The following CFB variants were observed in gnomAD, a reference collection of about 807,000 sequenced individuals.
The protein encoded by CFB is complement factor B.
A neutral mutation model predicts 97.2 loss-of-function variants in CFB; 59 were observed. The ratio of observed to expected loss-of-function variants is 0.61; its 90% CI spans 0.49 to 0.75. The LOEUF (loss-of-function observed/expected upper bound fraction) is 0.75, where lower values mean the gene tolerates loss of function less well. Among genes scored for constraint, CFB ranks in the 30% least tolerant of loss-of-function variants. The pLI is 0.00. For synonymous variants in CFB, 316 were observed against 351.7 expected (o/e 0.90, Z 1.14); for missense variants, 771 against 959.8 (o/e 0.80, Z 2.60).
chr6:31,947,140 C>T lies in CFB; in HGVS notation c.432C>T (p.Thr144=). 1 of 1,613,054 alleles carries T rather than the reference C, an allele frequency of 6.2e-7. No individual in the cohort carries two copies. Among genetic ancestry groups the T allele is most frequent in the South Asian group, 1.1e-5 (1 of 91,084 alleles). The change falls in exon 3 of 18, where the codon ACC becomes ACT. Residue 144 remains threonine (T), a synonymous_variant. Transcript: ENST00000425368. This position sits in a 1 kb window ranked among gnomAD's most constrained non-coding sequence, Gnocchi z 5.3. ...GYTLRGSANR[T]CQVNGRWSGQ... ...CTCTCCGGGGCTCTGCCAATCGCAC[C>T]TGCCAAGTGAATGGCCGATGGAGTG...
chr6:31,946,655 G>C lies in CFB; in HGVS notation c.298+49G>C. ...AGTGGCCTAAGGCAGAAACAGGGCA[G>C]GCGGCAGCAAGGTCAGGACTAGGAT... On this transcript the variant is annotated intron_variant, in intron 2 of 17. Coordinates refer to ENST00000425368, the MANE Select transcript of CFB (RefSeq NM_001710.6). The surrounding 1 kb of genome is among the most constrained non-coding windows in gnomAD (Gnocchi z 6.4). 6.5e-7 allele frequency: 1 copy of C among 1,540,190 alleles called. No homozygotes were observed. The highest frequency in any genetic ancestry group is 8.8e-7 in the Non-Finnish European group (1 of 1,130,680).
chr6:31,948,701 G>C, intron 7 of CFB, 129 bp from the exon 8 acceptor site: 2 of 1,547,172 alleles, frequency 1.3e-6, no homozygotes, highest in Non-Finnish European at 8.8e-7. Context: ...TGTGGTCAAA[G>C]GGAAGTCCGT....
At position 31,950,349 on chromosome 6, in the gene CFB, G is replaced by A; in HGVS notation, c.1570G>A (p.Ala524Thr). ...AVVSEYFVLT[A>T]AHCFTVDDKE... is the part of the protein sequence containing the mutation. ...GGTGTCTGAGTACTTTGTGCTGACA[G>A]CAGCACATTGTTTCACTGTGGATGA... Residue 524 changes from alanine (A) to threonine (T), a missense_variant, in exon 12 of 18, where the codon GCA becomes ACA. Coordinates refer to ENST00000425368, the MANE Select transcript of CFB (RefSeq NM_001710.6). 6.2e-7 allele frequency: 1 copy of A among 1,613,098 alleles called. No individual in the cohort carries two copies.
In CFB at chr6:31,946,525, A is replaced by T; in HGVS notation, c.217A>T (p.Thr73Ser). 6.2e-7 allele frequency: 1 copy of T among 1,613,040 alleles called. No individual in the cohort carries two copies. The highest frequency in any genetic ancestry group is 1.3e-5 in the African/African-American group (1 of 75,054). ...PSGFYPYPVQ[T>S]RTCRSTGSWS... is the part of the protein sequence containing the mutation. ...TGGCTTCTACCCGTACCCTGTGCAG[A>T]CACGTACCTGCAGATCTACGGGGTC... The change falls in exon 2 of 18, where the codon ACA becomes TCA. Residue 73 changes from threonine (T) to serine (S), a missense_variant. Physicochemically the swap from Thr to Ser is moderately conservative, Grantham distance 58. Coordinates refer to ENST00000425368, the MANE Select transcript of CFB (RefSeq NM_001710.6). The surrounding 1 kb of genome is among the most constrained non-coding windows in gnomAD (Gnocchi z 6.4).
Position 31,948,980 on chromosome 6 carries a change from C to G in CFB, c.1168+19C>G. 6.2e-7 allele frequency: 1 copy of G among 1,612,888 alleles called. No homozygotes were observed. Among genetic ancestry groups the G allele is most frequent in the Non-Finnish European group, 8.5e-7 (1 of 1,180,028 alleles). Reference sequence around the variant, plus strand: ...ACTGATGGTCAGAAGGGACCTCTCTCCTGTCCCAGCCTCCCCACCTTCTCA... The same window carrying G: ...ACTGATGGTCAGAAGGGACCTCTCTGCTGTCCCAGCCTCCCCACCTTCTCA... On this transcript the variant is annotated intron_variant, in intron 8 of 17. Coordinates refer to ENST00000425368, the MANE Select transcript of CFB (RefSeq NM_001710.6).
At chr6:31,948,126 G>C (rs1394686825) in intron 6 of CFB, 45 bp downstream of exon 6, 1 of 1,607,298 alleles carries the variant, frequency 6.2e-7, no homozygotes, top group Admixed American at 1.7e-5. Context: ...GAATCTCGCT[G>C]ATCTTCCAGG....
In CFB at chr6:31,951,311, A is replaced by T. The variant is rs771390681; in HGVS notation, c.1957-30A>T. ...CCTTCCTAAGCCACTTCTGTTCATT[A>T]CTTCTCCATGCTTCCCACCTCCCCT... is the stretch of plus-strand genomic sequence containing the variant. On this transcript the variant is annotated intron_variant, in intron 15 of 17. Transcript: ENST00000425368. This position sits in a 1 kb window ranked among gnomAD's most constrained non-coding sequence, Gnocchi z 4.3. The T allele has an allele frequency of 1.2e-6, 2 of 1,614,004 alleles. No individual in the cohort carries two copies. Among genetic ancestry groups the T allele is most frequent in the Non-Finnish European group, 1.7e-6 (2 of 1,180,020 alleles).
At position 31,951,867 on chromosome 6, in the gene CFB, C is replaced by T. The variant is rs375398883; in HGVS notation, c.2140-8C>T. On this transcript the variant is annotated splice_region_variant and splice_polypyrimidine_tract_variant and intron_variant, in intron 17 of 17. Coordinates refer to ENST00000425368, the MANE Select transcript of CFB (RefSeq NM_001710.6). The surrounding 1 kb of genome is among the most constrained non-coding windows in gnomAD (Gnocchi z 4.3). ...TGAATGATCCATGGCACCCCACTGC[C>T]TCTGCAGGTTGGTGTAATCAGCTGG... The T allele has an allele frequency of 2.5e-5, 40 of 1,613,126 alleles. No homozygotes were observed. The African/African-American group carries it at 4.7e-4, about 19-fold the overall frequency.
In CFB at chr6:31,948,899, C is replaced by G; in HGVS notation, c.1106C>G (p.Pro369Arg). 6.2e-7 allele frequency: 1 copy of G among 1,612,858 alleles called. No homozygotes were observed. Residue 369 changes from proline to arginine, a missense_variant, in exon 8 of 18, where the codon CCA becomes CGA. Physicochemically the swap from Pro to Arg is moderately radical, Grantham distance 103 (BLOSUM62 -2). Transcript: ENST00000425368. The stretch of plus-strand genomic sequence containing the variant: ...GCAGTGTACAGCATGATGAGCTGGC[C>G]AGATGACGTCCCTCCTGAAGGCTGG... ...LQAVYSMMSW[P>R]DDVPPEGWNR...
At position 31,947,892 on chromosome 6, in the gene CFB, A is replaced by G. The variant is rs1172535244; in HGVS notation, c.760+49A>G. On this transcript the variant is annotated intron_variant, in intron 5 of 17. Transcript: ENST00000425368. This position sits in a 1 kb window ranked among gnomAD's most constrained non-coding sequence, Gnocchi z 5.3. The stretch of plus-strand genomic sequence containing the variant: ...AGGGCAGGGAACTGGGGGAAAATGG[A>G]GAAGGGACAGAACTGTTAATGCTGG... 3.7e-6 allele frequency: 6 copies of G among 1,614,148 alleles called. No homozygotes were observed. The highest frequency in any genetic ancestry group is 5.1e-6 in the Non-Finnish European group (6 of 1,180,034).
At position 31,949,528 on chromosome 6, in the gene CFB, AC is replaced by A; in HGVS notation, c.1381del (p.Leu461TrpfsTer8). 1 of 1,613,358 alleles carries A rather than the reference AC, an allele frequency of 6.2e-7. No individual in the cohort carries two copies. Among genetic ancestry groups the A allele is most frequent in the African/African-American group, 1.3e-5 (1 of 75,062 alleles). On this transcript the variant is annotated frameshift_variant, in exon 10 of 18. Transcript: ENST00000425368. LOFTEE classifies it high-confidence loss of function. ...QHVFKVKDMENLEDVFYQMID... is the reference protein window; with the variant it reads ...QHVFKVKDMEXLEDVFYQMID... ...GTGTTCAAAGTCAAGGATATGGAAA[AC>A]CTGGAAGATGTTTTCTACCAAATGA...
chr6:31,947,259 TC>T lies in CFB; in HGVS notation c.484+68del. The T allele has an allele frequency of 2.5e-6, 4 of 1,610,770 alleles. No individual in the cohort carries two copies. The highest frequency in any genetic ancestry group is 2.2e-5 in the South Asian group (2 of 91,066). On this transcript the variant is annotated intron_variant, in intron 3 of 17. Coordinates refer to ENST00000425368, the MANE Select transcript of CFB (RefSeq NM_001710.6). This position sits in a 1 kb window ranked among gnomAD's most constrained non-coding sequence, Gnocchi z 5.3. ...GGCGCCCAGCCCGAGGAGTGGGCAC[TC>T]GGCTCCGGACACTGTAACTCTTGCT...
At chr6:31,949,939 T>C (rs1367827502) in intron 10 of CFB, 111 bp from the exon 11 acceptor site, 1 of 1,016,748 alleles carries the variant, frequency 9.8e-7, no homozygotes, top group Non-Finnish European at 1.6e-6. Context: ...ACCCGTGGTC[T>C]TTCCCTTTCT....
rs1381649221 is a variant in CFB, at chr6:31,950,160, T to TC, written c.1506+16dup. On this transcript the variant is annotated intron_variant, in intron 11 of 17. Coordinates refer to ENST00000425368, the MANE Select transcript of CFB (RefSeq NM_001710.6). ...GATCTCAGTCATTGTAAGCACAGAA[T>TC]CCCAGTAGTGGGGACTTGGGGGAGG... The TC allele has an allele frequency of 1.2e-6, 2 of 1,612,584 alleles. No homozygotes were observed. The highest frequency in any genetic ancestry group is 1.7e-6 in the Non-Finnish European group (2 of 1,179,830).
At position 31,951,345 on chromosome 6, in the gene CFB, G is replaced by A. The variant is rs1771757481; in HGVS notation, c.1961G>A (p.Gly654Asp). The change falls in exon 16 of 18, where the codon GGC becomes GAC. Residue 654 changes from glycine to aspartate, a missense_variant. By Grantham distance (94) the Gly-to-Asp change is moderately conservative (BLOSUM62 -1). Transcript: ENST00000425368. The surrounding 1 kb of genome is among the most constrained non-coding windows in gnomAD (Gnocchi z 4.3). ...EVYIKNGDKKGSCERDAQYAP... is the reference protein window; with the variant it reads ...EVYIKNGDKKDSCERDAQYAP... ...TGCTTCCCACCTCCCCTACAGAAAG[G>A]CAGCTGTGAGAGAGATGCTCAATAT... 6.2e-7 allele frequency: 1 copy of A among 1,614,168 alleles called. No homozygotes were observed. The highest frequency in any genetic ancestry group is 8.5e-7 in the Non-Finnish European group (1 of 1,180,036).
In CFB at chr6:31,951,946, C is replaced by T. The variant is rs537918200; in HGVS notation, c.2211C>T (p.His737=). 2.4e-5 allele frequency: 38 copies of T among 1,613,104 alleles called. No homozygotes were observed. The highest frequency in any genetic ancestry group is 8.8e-5 in the South Asian group (8 of 91,086). The change falls in exon 18 of 18, where the codon CAC becomes CAT. Residue 737 remains histidine, a synonymous_variant. Coordinates refer to ENST00000425368, the MANE Select transcript of CFB (RefSeq NM_001710.6). This position sits in a 1 kb window ranked among gnomAD's most constrained non-coding sequence, Gnocchi z 4.3. ...AGCGGCAAAAGCAGGTACCTGCTCA[C>T]GCCCGAGACTTTCACATCAACCTCT... The part of the protein sequence containing the change: ...NQKRQKQVPA[H]ARDFHINLFQ...
At chr6:31,950,794 AGGAAAGGCTG>A (rs1217331836) in intron 13 of CFB, 22 bp downstream of exon 13, 12 of 1,612,956 alleles carry the variant, frequency 7.4e-6, no homozygotes, top group African/African-American at 2.7e-5. Context: ...CAGATCCCTG[AGGAAAGGCTG>A]GGAAAGGCTG....
rs767012954 is a variant in CFB, at chr6:31,947,427, C to G, written c.564C>G (p.Thr188=). Residue 188 remains threonine (T), a synonymous_variant, in exon 4 of 18, where the codon ACC becomes ACG. Coordinates refer to ENST00000425368, the MANE Select transcript of CFB (RefSeq NM_001710.6). The surrounding 1 kb of genome is among the most constrained non-coding windows in gnomAD (Gnocchi z 5.3). ...AGTACCGCCTTGAAGACAGCGTCAC[C>G]TACCACTGCAGCCGGGGGCTTACCC... ...GSQYRLEDSV[T]YHCSRGLTLR... The G allele has an allele frequency of 6.2e-7, 1 of 1,613,038 alleles. No homozygotes were observed. Among genetic ancestry groups the G allele is most frequent in the South Asian group, 1.1e-5 (1 of 91,088 alleles).
chr6:31,950,159 A>G lies in CFB; in HGVS notation c.1506+12A>G. On this transcript the variant is annotated intron_variant, in intron 11 of 17. Transcript: ENST00000425368. ...AGATCTCAGTCATTGTAAGCACAGAATCCCAGTAGTGGGGACTTGGGGGAG... is the reference window on the plus strand; with the variant it reads ...AGATCTCAGTCATTGTAAGCACAGAGTCCCAGTAGTGGGGACTTGGGGGAG... 6.2e-7 allele frequency: 1 copy of G among 1,612,864 alleles called. No individual in the cohort carries two copies. The highest frequency in any genetic ancestry group is 8.5e-7 in the Non-Finnish European group (1 of 1,179,848).
Sources: gnomAD v4.1 joint callset for allele counts on GRCh38, gnomAD v4.1.1 for gene constraint, Gnocchi (gnomAD v3.1) non-coding constraint, MANE v1.5 for transcripts, NCBI Gene and HGNC (gene_info 2026-07-23, HGNC 2026-07-21) for gene names.